LACTBL1: variants seen among roughly 807,000 people sequenced by gnomAD.
LACTBL1 encodes the protein lactamase beta like 1.
In LACTBL1, 29 loss-of-function variants were observed where a neutral mutation model predicts 39.6. The observed-to-expected ratio is 0.73, with a 90% CI of 0.55 to 1.00. The LOEUF is 1.00. LACTBL1 is among the 50% of genes least tolerant of loss of function. LACTBL1 has a pLI of 0.00. For missense variants in LACTBL1, 711 were observed against 748.5 expected, an observed-to-expected ratio of 0.95 and a Z score of 0.59; for synonymous variants, 361 against 360.7, an observed-to-expected ratio of 1.00 and a Z score of -0.01.
chr1:22,968,928 C>T (rs187127769), upstream of LACTBL1, among the ~76,000 whole-genome samples: 1 of 152,080 alleles, frequency 6.6e-6, no homozygotes, highest in Non-Finnish European at 1.5e-5. Context: ...CAGGCTGGAG[C>T]GCAGTGATGT....
chr1:22,967,824 A>G (rs1204076952), upstream of LACTBL1, among the ~76,000 whole-genome samples: 1 of 151,896 alleles, frequency 6.6e-6, no homozygotes, highest in African/African-American at 2.4e-5. Context: ...TCCCATAAGG[A>G]TTGTTGTTTG....
chr1:22,964,774 T>C (rs1250194692), intron 1 of LACTBL1, among the ~76,000 whole-genome samples: 1 of 152,212 alleles, frequency 6.6e-6, no homozygotes, highest in Non-Finnish European at 1.5e-5. Flanking sequence ...CCTGCTTTAA[T>C]TGGCAAACAA....
At chr1:22,965,482 A>C, upstream of LACTBL1, 1 of 1,213,954 alleles carries the variant, frequency 8.2e-7, no homozygotes. Context: ...GAGGGAAGAG[A>C]GGGACCCTAA....
intron 4 of LACTBL1, among the ~76,000 whole-genome samples, chr1:22,957,640 CTTTTTTTTTT>C (rs34603019): frequency 5.3e-5 from 3 of 56,640 alleles, no homozygotes; most frequent in Admixed American, 2.6e-4. Flanking sequence ...TCTTAATATT[CTTTTTTTTTT>C]TTTTTTTTTT....
At chr1:22,953,309 G>C in exon 6 of LACTBL1, 1 of 1,226,164 alleles carries the variant, frequency 8.2e-7, no homozygotes, top group African/African-American at 1.6e-5. Context: ...GCCTCCACGC[G>C]CGGCCCGAAC....
chr1:22,961,809 C>T (rs1345507337), intron 2 of LACTBL1, among the ~76,000 whole-genome samples: 6 of 151,776 alleles, frequency 4.0e-5, no homozygotes, highest in Admixed American at 6.6e-5. Context: ...TGCAGTGGCA[C>T]GATCTCGGCT....
chr1:22,965,287 C>T lies in LACTBL1; in HGVS notation c.49+3G>A. 1 of 1,318,312 alleles carries T rather than the reference C, an allele frequency of 7.6e-7. No homozygotes were observed. 81.7% of individuals were successfully genotyped at this position (1,318,312 alleles called of 1,614,324 possible). A position where few individuals can be genotyped will look rare whatever the true frequency, so the allele number is the denominator to read the frequency against. ...AGGAACTCAAGGCTGTCTCTGCACT[C>T]ACCGGTCTTCAGCTTGGGGAGGTGA... On this transcript the variant is annotated splice_donor_region_variant and intron_variant, in intron 1 of 5. Transcript: ENST00000426928.
rs541295523 is a variant in LACTBL1, at chr1:22,953,891, G to A, written c.793C>T (p.Leu265Phe). 3.3e-5 allele frequency: 51 copies of A among 1,550,084 alleles called. No homozygotes were observed. The East Asian group carries it at 1.2e-3, about 37-fold the overall frequency. ...AGGCGCGCGCGCACGTCGGGCGTGA[G>A]GTCAAAGCCCGTGTCTGCCATCCCC... Residue 265 changes from leucine (L) to phenylalanine (F), a missense_variant, in exon 6 of 6, where the codon CTC (leucine) becomes TTC (phenylalanine). Physicochemically the swap from Leu to Phe is conservative, Grantham distance 22. Transcript: ENST00000426928.
intron 1 of LACTBL1, 115 bp from the exon 4 acceptor site, chr1:22,963,331 G>T: frequency 2.0e-6 from 1 of 507,360 alleles, no homozygotes; most frequent in Non-Finnish European, 3.3e-6. Flanking sequence ...CAGCCGAGCC[G>T]AGCCGGGGGA....
chr1:22,965,705 G>A (rs1361906666), upstream of LACTBL1, among the ~76,000 whole-genome samples: 1 of 152,136 alleles, frequency 6.6e-6, no homozygotes, highest in African/African-American at 2.4e-5. Flanking sequence ...CCTCCTCCAG[G>A]AAGCTTTCCT....
At chr1:22,955,518 G>C (rs1285955264) in intron 4 of LACTBL1, 92 bp from the exon 7 acceptor site, 7 of 760,760 alleles carry the variant, frequency 9.2e-6, no homozygotes, top group Admixed American at 2.5e-5. Context: ...TCCGTGAGTT[G>C]AGAGATAACA....
intron 3 of LACTBL1, 129 bp from the exon 6 acceptor site, chr1:22,959,049 C>T: frequency 1.6e-6 from 1 of 632,296 alleles, no homozygotes; most frequent in East Asian, 2.8e-5. Flanking sequence ...TCAACATCTC[C>T]AACAGAAATT....
At chr1:22,960,226 C>G in intron 2 of LACTBL1, 127 bp from the exon 5 acceptor site, 3 of 1,161,520 alleles carry the variant, frequency 2.6e-6, no homozygotes, top group Non-Finnish European at 3.6e-6. Context: ...CCAGCTATGC[C>G]CCATGGGCTG....
At chr1:22,957,533 G>T (rs1191577143) in intron 4 of LACTBL1, among the ~76,000 whole-genome samples, 1 of 149,752 alleles carries the variant, frequency 6.7e-6, no homozygotes, top group East Asian at 2.0e-4. Context: ...GCGTCATCAT[G>T]TTCATCTTTG....
upstream of LACTBL1, among the ~76,000 whole-genome samples, chr1:22,965,792 G>C (rs115916771): frequency 6.6e-6 from 1 of 152,192 alleles, no homozygotes; most frequent in Non-Finnish European, 1.5e-5. Flanking sequence ...AAAGGAAAGA[G>C]GTTTAGTTGA....
intron 2 of LACTBL1, among the ~76,000 whole-genome samples, chr1:22,960,340 G>A (rs183837693): frequency 5.4e-4 from 82 of 152,310 alleles, no homozygotes; most frequent in Non-Finnish European, 1.2e-4. Flanking sequence ...TTAAGGCTGG[G>A]CATGGTGGCT....
upstream of LACTBL1, among the ~76,000 whole-genome samples, chr1:22,967,517 A>C (rs1394071636): frequency 6.6e-6 from 1 of 152,068 alleles, no homozygotes; most frequent in Non-Finnish European, 1.5e-5. Context: ...ACTACATGCC[A>C]GCCTGGATGA....
chr1:22,953,184 G>A (rs2124220060), exon 6 of LACTBL1: 1 of 1,232,156 alleles, frequency 8.1e-7, no homozygotes, highest in East Asian at 3.2e-5. Context: ...CCTCGAGCGA[G>A]AGCCACGCGT....
In LACTBL1 at chr1:22,965,289, C is replaced by T; in HGVS notation, c.49+1G>A. 1.5e-6 allele frequency: 2 copies of T among 1,317,836 alleles called. No homozygotes were observed. Among genetic ancestry groups the T allele is most frequent in the Non-Finnish European group, 1.9e-6 (2 of 1,027,168 alleles). 81.6% of individuals were successfully genotyped at this position (1,317,836 alleles called of 1,614,324 possible). Reference sequence around the variant, plus strand: ...GAACTCAAGGCTGTCTCTGCACTCACCGGTCTTCAGCTTGGGGAGGTGATA... The same window carrying T: ...GAACTCAAGGCTGTCTCTGCACTCATCGGTCTTCAGCTTGGGGAGGTGATA... On this transcript the variant is annotated splice_donor_variant, in intron 1 of 5. Transcript: ENST00000426928. LOFTEE classifies it high-confidence loss of function.
Sources: gnomAD v4.1 joint callset for allele counts (sites outside exome capture counted in the v4.1 genomes callset) on GRCh38, gnomAD v4.1.1 for gene constraint, MANE v1.5 for transcripts, NCBI Gene and HGNC (gene_info 2026-07-23, HGNC 2026-07-21) for gene names.